Variants in PREX1 observed in about 807,000 individuals in gnomAD.
PREX1 encodes phosphatidylinositol 3,4,5-trisphosphate-dependent Rac exchanger 1 protein.
PREX1 carries 41 observed loss-of-function variants against 198.3 expected under a neutral mutation model. The observed-to-expected ratio is 0.21, with a 90% CI of 0.16 to 0.27. The LOEUF is 0.27. Among genes scored for constraint, PREX1 ranks in the 10% least tolerant of loss-of-function variants. The pLI is 1.00. For missense variants in PREX1, 1,620 were observed against 2,200.7 expected (o/e 0.74, Z 5.28); for synonymous variants, 843 against 887.2 (o/e 0.95, Z 0.89).
At position 48,705,051 on chromosome 20, in the gene PREX1, G is replaced by A. The variant is rs532402551; in HGVS notation, c.783+3209C>T. Among the ~76,000 whole-genome samples, 4 of 152,296 alleles carry A rather than the reference G, an allele frequency of 2.6e-5. No individual in the cohort carries two copies. In the South Asian group the frequency reaches 6.2e-4, roughly 24 times the overall value. ...AAAGAGATCCCACTTTGCTGCCAGGGCTCCTCCTGACATGTATTGGGCGTT... is the reference window on the plus strand; with the variant it reads ...AAAGAGATCCCACTTTGCTGCCAGGACTCCTCCTGACATGTATTGGGCGTT... On this transcript the variant is annotated intron_variant, in intron 6 of 39. Transcript: ENST00000371941.
chr20:48,716,834 G>A (rs941403418), intron 5 of PREX1, among the ~76,000 whole-genome samples: 3 of 152,058 alleles, frequency 2.0e-5, no homozygotes, highest in Non-Finnish European at 4.4e-5. Context: ...GTCACACACA[G>A]GCCTGAGGCT....
At chr20:48,771,035 C>A (rs1161292455) in intron 1 of PREX1, among the ~76,000 whole-genome samples, 1 of 152,034 alleles carries the variant, frequency 6.6e-6, no homozygotes, top group Non-Finnish European at 1.5e-5. Flanking sequence ...TGCCTTTCAT[C>A]AGGAAAATTA....
chr20:48,822,775 G>A (rs1469928474), intron 1 of PREX1, among the ~76,000 whole-genome samples: 4 of 151,962 alleles, frequency 2.6e-5, no homozygotes, highest in African/African-American at 7.3e-5. Flanking sequence ...TATAACACAC[G>A]TGTATATTAT....
chr20:48,768,830 CA>C (rs1401101008), intron 1 of PREX1, among the ~76,000 whole-genome samples: 1 of 151,902 alleles, frequency 6.6e-6, no homozygotes, highest in African/African-American at 2.4e-5. Flanking sequence ...GCAAGGGGCT[CA>C]AGGGGACTCT....
intron 1 of PREX1, among the ~76,000 whole-genome samples, chr20:48,764,263 G>A (rs1006048042): frequency 2.0e-5 from 3 of 152,214 alleles, no homozygotes; most frequent in African/African-American, 4.8e-5. Flanking sequence ...CCCAGAGCTT[G>A]CAGACATCAG....
intron 1 of PREX1, among the ~76,000 whole-genome samples, chr20:48,805,879 C>G (rs2090409692): frequency 6.6e-6 from 1 of 152,172 alleles, no homozygotes; most frequent in Non-Finnish European, 1.5e-5. Flanking sequence ...AATGTCCCCA[C>G]CTGTAAGACA....
At chr20:48,788,742 G>A (rs1253360858) in intron 1 of PREX1, among the ~76,000 whole-genome samples, 1 of 152,248 alleles carries the variant, frequency 6.6e-6, no homozygotes, top group African/African-American at 2.4e-5. Flanking sequence ...GGGCCTGTAA[G>A]AGGTGACTGG....
At chr20:48,869,565 T>C in the PREX1 span, among the ~76,000 whole-genome samples, 2 of 152,170 alleles carry the variant, frequency 1.3e-5, no homozygotes, top group African/African-American at 4.8e-5. Context: ...CTGAGCACTA[T>C]TTACAATAGC....
chr20:48,632,408 CG>C lies in PREX1; in HGVS notation c.4412-18del. ...TCTCCAGCACTGGGAGGGGAGATGT[CG>C]GGGGCGGGCAGGCGGTTGGGAGCCG... On this transcript the variant is annotated intron_variant, in intron 34 of 39. Transcript: ENST00000371941. 1 of 1,613,268 alleles carries C rather than the reference CG, an allele frequency of 6.2e-7. No individual in the cohort carries two copies. The highest frequency in any genetic ancestry group is 8.5e-7 in the Non-Finnish European group (1 of 1,179,854).
At chr20:48,866,413 C>T in the PREX1 span, among the ~76,000 whole-genome samples, 1 of 152,078 alleles carries the variant, frequency 6.6e-6, no homozygotes, top group Non-Finnish European at 1.5e-5. Context: ...GTTAGAAATG[C>T]AGAACTCCAG....
intron 1 of PREX1, among the ~76,000 whole-genome samples, chr20:48,823,087 C>G (rs540832814): frequency 1.3e-5 from 2 of 152,318 alleles, no homozygotes; most frequent in East Asian, 1.9e-4. Context: ...CTCCAAAAAG[C>G]AGAACCACAG....
At chr20:48,768,142 T>C (rs1381965282) in intron 1 of PREX1, among the ~76,000 whole-genome samples, 1 of 152,192 alleles carries the variant, frequency 6.6e-6, no homozygotes, top group Non-Finnish European at 1.5e-5. Flanking sequence ...TCCATTCCTA[T>C]GTATGTAACA....
intron 14 of PREX1, among the ~76,000 whole-genome samples, chr20:48,670,240 T>C (rs1355480564): frequency 2.0e-5 from 3 of 152,032 alleles, no homozygotes; most frequent in Non-Finnish European, 4.4e-5. Context: ...CTGCGTCTCT[T>C]CTCCCAGTAG....
upstream of PREX1, among the ~76,000 whole-genome samples, chr20:48,829,690 G>A (rs192854522): frequency 1.5e-3 from 225 of 152,224 alleles, 1 homozygote; most frequent in African/African-American, 5.2e-3. Flanking sequence ...ACTTTAAACT[G>A]TTCACGGTAC....
chr20:48,844,962 C>T, the PREX1 span, among the ~76,000 whole-genome samples: 124 of 152,336 alleles, frequency 8.1e-4, no homozygotes, highest in African/African-American at 2.8e-3. Flanking sequence ...AGCAGTCCTA[C>T]AAGCACTTTA....
chr20:48,731,747 G>A (rs2122717528), intron 4 of PREX1, among the ~76,000 whole-genome samples: 1 of 152,308 alleles, frequency 6.6e-6, no homozygotes, highest in African/African-American at 2.4e-5. Flanking sequence ...GAGACAGATG[G>A]CACATGTGCT....
At chr20:48,667,226 A>C (rs1261296007) in intron 14 of PREX1, among the ~76,000 whole-genome samples, 1 of 152,092 alleles carries the variant, frequency 6.6e-6, no homozygotes, top group Non-Finnish European at 1.5e-5. Context: ...ATCAGGAGAC[A>C]CTCCAGCAGC....
rs545873030 is a variant in PREX1 at position 48,708,792 on chromosome 20, G to A, written c.622-371C>T. ...CACCGTGGTGCGAAGGGTCTGAGGC[G>A]GGCACATGTCTGGTATGTAATGAGG... On this transcript the variant is annotated intron_variant, in intron 5 of 39. Coordinates refer to ENST00000371941, the MANE Select transcript of PREX1 (RefSeq NM_020820.4). Among the ~76,000 whole-genome samples, 7 of 152,242 alleles carry A rather than the reference G, an allele frequency of 4.6e-5. No individual in the cohort carries two copies. In the South Asian group the frequency reaches 6.2e-4, roughly 14 times the overall value.
chr20:48,632,229 G>T (rs544866701), intron 35 of PREX1, 48 bp downstream of exon 35: 3 of 1,576,196 alleles, frequency 1.9e-6, no homozygotes, highest in South Asian at 2.2e-5. Context: ...CCCACTCCAC[G>T]TGGAGGTTTC....
Sources: allele counts gnomAD v4.1 joint callset (sites outside exome capture counted in the v4.1 genomes callset), GRCh38; gene constraint gnomAD v4.1.1; transcripts MANE v1.5; gene names NCBI Gene and HGNC (gene_info 2026-07-23, HGNC 2026-07-21).